The following TMEM259 variants were observed in gnomAD, a reference collection of about 807,000 sequenced individuals.
TMEM259 encodes the protein transmembrane protein 259.
In TMEM259, 26 loss-of-function variants were observed where a neutral mutation model predicts 46.7. The ratio of observed to expected loss-of-function variants is 0.56; its 90% CI spans 0.41 to 0.77. The LOEUF (loss-of-function observed/expected upper bound fraction) is 0.77. Among genes scored for constraint, TMEM259 ranks in the 30% least tolerant of loss-of-function variants. The pLI is 0.00. For missense variants in TMEM259, 930 were observed against 900.5 expected, an observed-to-expected ratio of 1.03 and a Z score of -0.42; for synonymous variants, 494 against 395.1, an observed-to-expected ratio of 1.25 and a Z score of -2.97.
intron 1 of TMEM259, among the ~76,000 whole-genome samples, chr19:1,019,109 G>A (rs1239488238): frequency 2.0e-5 from 3 of 152,198 alleles, no homozygotes; most frequent in Non-Finnish European, 4.4e-5. Context: ...CAGAAGACGG[G>A]GAACTCCAGC....
At position 1,011,454 on chromosome 19, in the gene TMEM259, G is replaced by A; in HGVS notation, c.1130C>T (p.Ala377Val). 1 of 1,561,968 alleles carries A rather than the reference G, an allele frequency of 6.4e-7. No homozygotes were observed. Among genetic ancestry groups the A allele is most frequent in the Non-Finnish European group, 8.7e-7 (1 of 1,153,590 alleles). The part of the protein sequence containing the change: ...MSEFFNDTTT[A>V]FYIILIVWLA... ...CCACACGATGAGGATGATGTAGAAG[G>A]CGGTGGTGGTGTCGTTGAAGAACTC... The change falls in exon 9 of 11, where the codon GCC becomes GTC. Residue 377 changes from alanine to valine, a missense_variant. Ala to Val is a moderately conservative substitution (Grantham distance 64). Coordinates refer to ENST00000356663, the MANE Select transcript of TMEM259 (RefSeq NM_001033026.2).
Position 1,010,549 on chromosome 19 carries a change from G to A in TMEM259, c.1664C>T (p.Ser555Phe). The change falls in exon 11 of 11, where the codon TCC becomes TTC. Residue 555 changes from serine to phenylalanine, a missense_variant. Ser to Phe is a radical substitution (Grantham distance 155). Transcript: ENST00000356663. The part of the protein sequence containing the change: ...AAIITDASFL[S>F]GLSASLLERR... ...CTCCAGGAGGGAGGCGCTCAGGCCG[G>A]ACAGGAAGGAGGCGTCTGTGATGAT... The A allele has an allele frequency of 6.5e-7, 1 of 1,548,676 alleles. No individual in the cohort carries two copies. The highest frequency in any genetic ancestry group is 8.7e-7 in the Non-Finnish European group (1 of 1,147,136).
intron 1 of TMEM259, among the ~76,000 whole-genome samples, chr19:1,019,611 G>A (rs1164977449): frequency 6.6e-6 from 1 of 152,188 alleles, no homozygotes; most frequent in Non-Finnish European, 1.5e-5. Flanking sequence ...CCACACCCAG[G>A]TCCGCAGGAC....
rs1418946256 is a variant in TMEM259, at chr19:1,012,446, C to A, written c.718+17G>T. ...GCCCCGCCATGGAGCTCCCCAAGCC[C>A]AGCAGCTCAGACTCACCCAGGGTGA... On this transcript the variant is annotated intron_variant, in intron 4 of 10. Transcript: ENST00000356663. The A allele has an allele frequency of 6.3e-7, 1 of 1,579,038 alleles. No individual in the cohort carries two copies. The highest frequency in any genetic ancestry group is 1.2e-5 in the South Asian group (1 of 86,626).
chr19:1,012,456 G>T lies in TMEM259; in HGVS notation c.718+7C>A. ...GGAGCTCCCCAAGCCCAGCAGCTCA[G>T]ACTCACCCAGGGTGACCACCATGAC... On this transcript the variant is annotated splice_region_variant and intron_variant, in intron 4 of 10. Transcript: ENST00000356663. 6.3e-7 allele frequency: 1 copy of T among 1,590,922 alleles called. No individual in the cohort carries two copies. Among genetic ancestry groups the T allele is most frequent in the Non-Finnish European group, 8.5e-7 (1 of 1,170,946 alleles).
Position 1,021,021 on chromosome 19 carries a change from AC to A in TMEM259, c.-26del. ...TGCCTCCCAGCGTCGCGCCCTAACG[AC>A]CCGCAAGTGTCCGAGGGCGCCTCCC... On this transcript the variant is annotated 5_prime_UTR_variant, in exon 1 of 11. The change abolishes the stop of an existing upstream ORF in the 5' untranslated region. Transcript: ENST00000356663. 1 of 1,348,820 alleles carries A rather than the reference AC, an allele frequency of 7.4e-7. No homozygotes were observed. Among genetic ancestry groups the A allele is most frequent in the South Asian group, 1.7e-5 (1 of 60,072 alleles). 83.6% of individuals were successfully genotyped at this position (1,348,820 alleles called of 1,614,324 possible). A position where few individuals can be genotyped will look rare whatever the true frequency, so the allele number is the denominator to read the frequency against.
rs1323256308 is a variant in TMEM259, at chr19:1,010,473, G to C, written c.1740C>G (p.Pro580=). 1.9e-6 allele frequency: 3 copies of C among 1,545,606 alleles called. No individual in the cohort carries two copies. The highest frequency in any genetic ancestry group is 2.6e-6 in the Non-Finnish European group (3 of 1,145,458). The change falls in exon 11 of 11, where the codon CCC becomes CCG. Residue 580 remains proline, a synonymous_variant. Transcript: ENST00000356663. ...AGTCACTCGGGGGGACACTGTCCTGGGGGGCGTGGGGGAGGCCCCCAGCAG... is the reference window on the plus strand; with the variant it reads ...AGTCACTCGGGGGGACACTGTCCTGCGGGGCGTGGGGGAGGCCCCCAGCAG... ...LGPAGGLPHA[P]QDSVPPSDSA... is the part of the protein sequence containing the mutation.
intron 1 of TMEM259, among the ~76,000 whole-genome samples, chr19:1,018,831 C>A (rs2240169): frequency 6.6e-6 from 1 of 151,782 alleles, no homozygotes; most frequent in Non-Finnish European, 1.5e-5. Flanking sequence ...ACTAAAAAGA[C>A]AAAAAAATTA....
chr19:1,013,406 A>T (rs1325148933), intron 2 of TMEM259, 66 bp from the exon 3 acceptor site: 6 of 1,509,630 alleles, frequency 4.0e-6, no homozygotes, highest in Non-Finnish European at 5.5e-6. Context: ...CAGCCTGAGG[A>T]TACAGTCCTG....
In TMEM259 at chr19:1,020,796, G is replaced by T. The variant is rs150804447; in HGVS notation, c.201C>A (p.Leu67=). The T allele has an allele frequency of 1.5e-6, 2 of 1,355,350 alleles. No individual in the cohort carries two copies. The highest frequency in any genetic ancestry group is 1.9e-6 in the Non-Finnish European group (2 of 1,049,382). The allele number at this position is 1,355,350 out of a possible 1,614,324, so 84.0% of individuals were successfully genotyped here. The change falls in exon 1 of 11, where the codon CTC becomes CTA. Residue 67 remains leucine, a synonymous_variant. Transcript: ENST00000356663. This position sits in a 1 kb window ranked among gnomAD's most constrained non-coding sequence, Gnocchi z 4.0. ...SRLFPPAFRR[L]FEFFVLLKAL... ...CCTTGAGCAGCACGAAGAACTCGAA[G>T]AGACGGCGGAAGGCGGGCGGGAAGA...
chr19:1,016,681 T>A (rs1446751391), intron 1 of TMEM259, among the ~76,000 whole-genome samples: 1 of 152,018 alleles, frequency 6.6e-6, no homozygotes, highest in African/African-American at 2.4e-5. Flanking sequence ...CCTGCTGAGG[T>A]CACATGGCCA....
intron 1 of TMEM259, among the ~76,000 whole-genome samples, chr19:1,016,317 C>T (rs1256866784): frequency 6.6e-6 from 1 of 152,210 alleles, no homozygotes; most frequent in Non-Finnish European, 1.5e-5. Flanking sequence ...CTTTCAAAGC[C>T]TAGCGTTTCC....
rs1174474033 is a variant in TMEM259 at position 1,011,286 on chromosome 19, G to A, written c.1217+81C>T. The A allele has an allele frequency of 5.9e-6, 9 of 1,535,894 alleles. No individual in the cohort carries two copies. In the Admixed American group the frequency reaches 5.9e-5, roughly 10 times the overall value. On this transcript the variant is annotated intron_variant, in intron 9 of 10. Coordinates refer to ENST00000356663, the MANE Select transcript of TMEM259 (RefSeq NM_001033026.2). ...CCCGCGTGGCGCAGCCACCACCCCC[G>A]CCTCCAGCGCCCCTCCCTCTGGCAG...
rs934044878 is a variant in TMEM259 at position 1,020,361 on chromosome 19, G to A, written c.225+411C>T. ...GCCTCGGAACTGAGGGTCTCAGGCGGCACAGTCAGGGGTCAAAGGGCGGGA... is the reference window on the plus strand; with the variant it reads ...GCCTCGGAACTGAGGGTCTCAGGCGACACAGTCAGGGGTCAAAGGGCGGGA... On this transcript the variant is annotated intron_variant, in intron 1 of 10. Transcript: ENST00000356663. This position sits in a 1 kb window ranked among gnomAD's most constrained non-coding sequence, Gnocchi z 4.0. 2.0e-5 allele frequency among the ~76,000 whole-genome samples: 3 copies of A among 152,040 alleles called. No homozygotes were observed. Among genetic ancestry groups the A allele is most frequent in the Non-Finnish European group, 4.4e-5 (3 of 67,980 alleles).
chr19:1,011,847 T>C (rs10420656), intron 6 of TMEM259, 45 bp downstream of exon 6: 627,294 of 1,588,526 alleles, frequency 0.39, 127,178 homozygotes, highest in African/African-American at 0.59. Context: ...AGGGCCTGCT[T>C]GGCTCCCGCC....
At position 1,009,849 on chromosome 19, in the gene TMEM259, C is replaced by G. The variant is rs1211061875; in HGVS notation, c.*501G>C. 1 of 416,430 alleles carries G rather than the reference C, an allele frequency of 2.4e-6. No homozygotes were observed. 25.8% of individuals were successfully genotyped at this position (416,430 alleles called of 1,614,324 possible). ...GGCGCCTGCACCCCACGTCCCTATGCCCGAGGCGCAAGCTCTGCTCTCCCG... is the reference window on the plus strand; with the variant it reads ...GGCGCCTGCACCCCACGTCCCTATGGCCGAGGCGCAAGCTCTGCTCTCCCG... On this transcript the variant is annotated 3_prime_UTR_variant, in exon 11 of 11. Coordinates refer to ENST00000356663, the MANE Select transcript of TMEM259 (RefSeq NM_001033026.2).
At chr19:1,017,014 C>G (rs996341662) in intron 1 of TMEM259, among the ~76,000 whole-genome samples, 2 of 152,196 alleles carry the variant, frequency 1.3e-5, no homozygotes, top group Non-Finnish European at 2.9e-5. Context: ...GGCCCCTCTT[C>G]CCTGACTGAG....
intron 1 of TMEM259, 78 bp from the exon 2 acceptor site, chr19:1,014,551 T>C (rs867166607): frequency 1.7e-4 from 145 of 844,786 alleles, no homozygotes; most frequent in Admixed American, 6.7e-4. Flanking sequence ...TGATGGGGCG[T>C]GATGGGGCGC....
Position 1,011,930 on chromosome 19 carries a change from T to C in TMEM259, c.904A>G (p.Thr302Ala). Residue 302 changes from threonine to alanine, a missense_variant, in exon 6 of 11, where the codon ACG (threonine) becomes GCG (alanine). Thr to Ala is a moderately conservative substitution (Grantham distance 58). Transcript: ENST00000356663. The part of the protein sequence containing the change: ...YRFVSMWMAR[T>A]SYLAAFAIMV... ...ATGGCGAAGGCGGCCAGGTAGGACG[T>C]CCGCGCCATCCACATGCTCACAAAG... 1 of 1,611,790 alleles carries C rather than the reference T, an allele frequency of 6.2e-7. No homozygotes were observed. The highest frequency in any genetic ancestry group is 8.5e-7 in the Non-Finnish European group (1 of 1,179,470).
Sources: gnomAD v4.1 joint callset for allele counts (sites outside exome capture counted in the v4.1 genomes callset) on GRCh38, gnomAD v4.1.1 for gene constraint, Gnocchi (gnomAD v3.1) non-coding constraint, MANE v1.5 for transcripts, NCBI Gene and HGNC (gene_info 2026-07-23, HGNC 2026-07-21) for gene names.